The following APP variants were observed in gnomAD, a reference collection of about 807,000 sequenced individuals.
APP encodes the protein amyloid beta precursor protein, also known as amyloid-beta precursor protein.
In APP, 31 loss-of-function variants were observed where a neutral mutation model predicts 101.4. The ratio of observed to expected loss-of-function variants is 0.31; its 90% CI spans 0.23 to 0.41. APP has a LOEUF of 0.41. Ranked by LOEUF, APP falls within the 10% of genes least tolerant of loss-of-function variation. APP has a pLI of 1.00. For missense variants in APP, 839 were observed against 1,003.7 expected (o/e 0.84, Z 2.22); for synonymous variants, 366 against 364.4 (o/e 1.00, Z -0.05).
chr21:26,164,509 A>AT (rs1279091319), intron 1 of APP, among the ~76,000 whole-genome samples: 1 of 152,210 alleles, frequency 6.6e-6, no homozygotes, highest in African/African-American at 2.4e-5. Context: ...CACATAGCTG[A>AT]TAGCCAACTA....
chr21:25,961,620 GTATC>G (rs2041583880), intron 11 of APP, among the ~76,000 whole-genome samples: 1 of 152,086 alleles, frequency 6.6e-6, no homozygotes, highest in African/African-American at 2.4e-5. Context: ...CTATAATAAT[GTATC>G]TAAGAATAAC....
At chr21:26,091,866 CAGG>C (rs1301732110) in intron 2 of APP, among the ~76,000 whole-genome samples, 1 of 152,196 alleles carries the variant, frequency 6.6e-6, no homozygotes, top group African/African-American at 2.4e-5. Context: ...GAGAAGGCTA[CAGG>C]AGAAGTAGTG....
chr21:25,982,682 T>A (rs770644292), intron 8 of APP, among the ~76,000 whole-genome samples: 1 of 152,132 alleles, frequency 6.6e-6, no homozygotes, highest in Non-Finnish European at 1.5e-5. Flanking sequence ...CACTCCCAAG[T>A]ACAGAATGAA....
chr21:26,089,356 G>A (rs1341018960), intron 3 of APP, among the ~76,000 whole-genome samples: 3 of 151,974 alleles, frequency 2.0e-5, no homozygotes, highest in Admixed American at 6.6e-5. Flanking sequence ...AAAATGTTGA[G>A]GTAAATTTGA....
intron 13 of APP, among the ~76,000 whole-genome samples, chr21:25,916,117 G>C (rs1426776142): frequency 6.6e-6 from 1 of 152,110 alleles, no homozygotes; most frequent in Non-Finnish European, 1.5e-5. Context: ...CGATTCTCCT[G>C]CCTCAGTCCC....
chr21:25,937,238 T>C (rs569623485), intron 13 of APP, among the ~76,000 whole-genome samples: 43 of 152,274 alleles, frequency 2.8e-4, no homozygotes, highest in African/African-American at 9.6e-4. Flanking sequence ...ATGACTTCCA[T>C]CCCAAGTCAC....
At chr21:26,003,886 T>C (rs1203939235) in intron 6 of APP, among the ~76,000 whole-genome samples, 1 of 152,214 alleles carries the variant, frequency 6.6e-6, no homozygotes, top group African/African-American at 2.4e-5. Flanking sequence ...CGGAGAGGAC[T>C]GGGAAAGGAA....
intron 1 of APP, among the ~76,000 whole-genome samples, chr21:26,141,540 A>T (rs1194780243): frequency 3.3e-5 from 5 of 152,222 alleles, no homozygotes; most frequent in African/African-American, 1.2e-4. Context: ...CAGAGGATTA[A>T]GAAATTTACA....
intron 11 of APP, among the ~76,000 whole-genome samples, chr21:25,969,462 T>C (rs1275014020): frequency 6.7e-6 from 1 of 149,876 alleles, no homozygotes; most frequent in Non-Finnish European, 1.5e-5. Context: ...AATGAACACC[T>C]AAAGATGGTA....
At chr21:25,892,894 A>T (rs2037785998) in intron 16 of APP, among the ~76,000 whole-genome samples, 1 of 152,146 alleles carries the variant, frequency 6.6e-6, no homozygotes, top group Non-Finnish European at 1.5e-5. Context: ...CTGCAACTTA[A>T]TGAAAATACA....
chr21:25,896,810 A>G (rs2038081053), intron 16 of APP, among the ~76,000 whole-genome samples: 1 of 152,172 alleles, frequency 6.6e-6, no homozygotes, highest in Non-Finnish European at 1.5e-5. Flanking sequence ...TGCTCACTCC[A>G]TGATCTTACT....
intron 1 of APP, among the ~76,000 whole-genome samples, chr21:26,120,235 C>A (rs1376865135): frequency 6.6e-6 from 1 of 152,146 alleles, no homozygotes; most frequent in Non-Finnish European, 1.5e-5. Flanking sequence ...GTGATAGAAT[C>A]AAGGCATAGA....
chr21:25,979,756 G>A (rs376255266), intron 9 of APP, among the ~76,000 whole-genome samples: 12 of 151,402 alleles, frequency 7.9e-5, no homozygotes, highest in African/African-American at 9.8e-5. Flanking sequence ...TCTTAATAAG[G>A]TCAAAAATGA....
At chr21:25,912,008 A>ACAGCAG (rs573530195) in intron 13 of APP, 46 bp from the exon 14 acceptor site, 7 of 1,444,404 alleles carry the variant, frequency 4.8e-6, no homozygotes, top group South Asian at 3.5e-5. Context: ...AACAATCACA[A>ACAGCAG]CAGCAGCAGC....
intron 2 of APP, among the ~76,000 whole-genome samples, chr21:26,108,743 G>C (rs972303306): frequency 1.5e-3 from 233 of 152,056 alleles, no homozygotes; most frequent in Non-Finnish European, 2.1e-3. Context: ...AAAAATCCCG[G>C]CGTGGTGGCA....
chr21:26,083,206 A>G (rs774575047), intron 3 of APP, among the ~76,000 whole-genome samples: 1 of 152,244 alleles, frequency 6.6e-6, no homozygotes, highest in Non-Finnish European at 1.5e-5. Flanking sequence ...TATAAAAATC[A>G]ACTAAACACA....
chr21:25,941,925 T>G (rs553530039), intron 13 of APP: 2 of 152,356 alleles, frequency 1.3e-5, no homozygotes, highest in South Asian at 4.1e-4. Context: ...TATCTCATGC[T>G]TTCAGAGAAA....
chr21:25,905,516 CTG>C (rs1320866963), intron 14 of APP, among the ~76,000 whole-genome samples: 5 of 152,200 alleles, frequency 3.3e-5, no homozygotes, highest in African/African-American at 1.2e-4. Context: ...CAAAAGGACT[CTG>C]TTAAATTTCC....
intron 3 of APP, among the ~76,000 whole-genome samples, chr21:26,079,205 T>C (rs1033663096): frequency 1.3e-5 from 2 of 152,176 alleles, no homozygotes; most frequent in Non-Finnish European, 2.9e-5. Context: ...TTGAGAAAGA[T>C]GCTCAGAAGC....
Sources: allele counts gnomAD v4.1 joint callset (sites outside exome capture counted in the v4.1 genomes callset), GRCh38; gene constraint gnomAD v4.1.1; transcripts MANE v1.5; gene names NCBI Gene and HGNC (gene_info 2026-07-23, HGNC 2026-07-21).